CDC5L: variants seen among roughly 807,000 people sequenced by gnomAD.
CDC5L encodes the protein cell division cycle 5-like protein.
CDC5L carries 18 observed loss-of-function variants against 104.1 expected under a neutral mutation model. The ratio of observed to expected loss-of-function variants is 0.17; its 90% CI spans 0.12 to 0.26. CDC5L has a LOEUF of 0.26. Ranked by LOEUF, CDC5L falls within the 10% of genes least tolerant of loss-of-function variation. CDC5L has a pLI of 1.00. For synonymous variants in CDC5L, 331 were observed against 322.7 expected (o/e 1.03, Z -0.28); for missense variants, 673 against 956.9 (o/e 0.70, Z 3.91).
chr6:44,398,114 A>G (rs4143678), intron 5 of CDC5L, among the ~76,000 whole-genome samples: 110,535 of 152,086 alleles, frequency 0.73, 42,228 homozygotes, highest in Non-Finnish European at 0.87. Context: ...CTGAGGATGC[A>G]TGTTGGCAGA....
At chr6:44,408,217 T>A (rs1228071473) in intron 7 of CDC5L, among the ~76,000 whole-genome samples, 1 of 152,138 alleles carries the variant, frequency 6.6e-6, no homozygotes, top group Non-Finnish European at 1.5e-5. Context: ...CAATTCATTT[T>A]TCTGGAATAT....
At chr6:44,427,956 T>A (rs1792501763) in intron 13 of CDC5L, among the ~76,000 whole-genome samples, 1 of 152,138 alleles carries the variant, frequency 6.6e-6, no homozygotes, top group Non-Finnish European at 1.5e-5. Context: ...TAATTCTAAG[T>A]ATTGGTTTGT....
At chr6:44,410,178 CCTGTCTTA>C (rs1465410999) in intron 8 of CDC5L, among the ~76,000 whole-genome samples, 1 of 152,150 alleles carries the variant, frequency 6.6e-6, no homozygotes, top group African/African-American at 2.4e-5. Context: ...ACTTATTTCT[CCTGTCTTA>C]CTGAAATTTT....
intron 14 of CDC5L, 79 bp from the exon 15 acceptor site, chr6:44,445,576 G>A (rs139026236): frequency 4.1e-5 from 38 of 932,308 alleles, no homozygotes; most frequent in East Asian, 5.1e-5. Context: ...ATACATGAAC[G>A]CATGGTACCT....
chr6:44,395,728 G>A (rs1481326482), intron 4 of CDC5L, among the ~76,000 whole-genome samples: 1 of 152,206 alleles, frequency 6.6e-6, no homozygotes, highest in African/African-American at 2.4e-5. Flanking sequence ...GGGAAGAGCA[G>A]TGATCTTGGA....
intron 8 of CDC5L, among the ~76,000 whole-genome samples, chr6:44,409,713 T>C (rs1021673283): frequency 1.3e-5 from 2 of 152,224 alleles, no homozygotes; most frequent in African/African-American, 4.8e-5. Flanking sequence ...AAGAAATCTT[T>C]CTTAGAACTT....
intron 14 of CDC5L, among the ~76,000 whole-genome samples, chr6:44,430,972 C>G (rs1242059704): frequency 1.3e-5 from 2 of 152,118 alleles, no homozygotes; most frequent in African/African-American, 4.8e-5. Flanking sequence ...AGAAAATCGT[C>G]TTGGTTTCCT....
At chr6:44,406,699 G>C (rs978458411) in intron 7 of CDC5L, among the ~76,000 whole-genome samples, 8 of 152,184 alleles carry the variant, frequency 5.3e-5, no homozygotes, top group African/African-American at 1.9e-4. Context: ...CTGAGGTCAG[G>C]AGTTCAAGAC....
At chr6:44,416,936 A>T (rs1047649450) in intron 8 of CDC5L, among the ~76,000 whole-genome samples, 3 of 152,216 alleles carry the variant, frequency 2.0e-5, no homozygotes, top group African/African-American at 7.2e-5. Context: ...AAGGACACAC[A>T]CAGGGCCTTT....
rs1196114484 is a variant in CDC5L, at chr6:44,448,538, T to C, written c.*1827T>C. 1 of 152,174 alleles carries C rather than the reference T, an allele frequency of 6.6e-6. No homozygotes were observed. Among genetic ancestry groups the C allele is most frequent in the Non-Finnish European group, 1.5e-5 (1 of 68,032 alleles). The allele number at this position is 152,174 out of a possible 1,614,324, so 9.4% of individuals were successfully genotyped here. A position where few individuals can be genotyped will look rare whatever the true frequency, so the allele number is the denominator to read the frequency against. On this transcript the variant is annotated 3_prime_UTR_variant, in exon 16 of 16. Coordinates refer to ENST00000371477, the MANE Select transcript of CDC5L (RefSeq NM_001253.4). The stretch of plus-strand genomic sequence containing the variant: ...AGTCCAGGTAATAGTAGTGGAGATA[T>C]GTGGAGAGACATGATAGGTATATAC...
intron 14 of CDC5L, among the ~76,000 whole-genome samples, chr6:44,441,362 A>C (rs1289995561): frequency 6.6e-6 from 1 of 152,208 alleles, no homozygotes; most frequent in African/African-American, 2.4e-5. Flanking sequence ...TTTTATGTGT[A>C]TACCATATTT....
chr6:44,396,516 G>C (rs1790875370), intron 5 of CDC5L, 76 bp downstream of exon 5: 4 of 862,520 alleles, frequency 4.6e-6, no homozygotes, highest in Non-Finnish European at 7.2e-6. Flanking sequence ...TCTGTGACCA[G>C]ATATGTGGTT....
At chr6:44,401,342 C>A (rs1467273868) in intron 5 of CDC5L, among the ~76,000 whole-genome samples, 4 of 152,118 alleles carry the variant, frequency 2.6e-5, no homozygotes, top group Non-Finnish European at 5.9e-5. Context: ...GCCCTCATCT[C>A]ATAAGCCAGG....
intron 15 of CDC5L, among the ~76,000 whole-genome samples, chr6:44,446,103 A>G (rs1793441616): frequency 6.6e-6 from 1 of 152,208 alleles, no homozygotes. Context: ...TCCAATATGT[A>G]GATACACTGT....
At chr6:44,422,392 G>A (rs552601426) in intron 9 of CDC5L, among the ~76,000 whole-genome samples, 3 of 152,258 alleles carry the variant, frequency 2.0e-5, no homozygotes, top group African/African-American at 7.2e-5. Flanking sequence ...AATGTTTAGT[G>A]GACGTAGTTT....
chr6:44,445,566 A>G, intron 14 of CDC5L, 89 bp from the exon 15 acceptor site: 6 of 823,770 alleles, frequency 7.3e-6, no homozygotes, highest in South Asian at 3.5e-5. Flanking sequence ...TTTGAGACAC[A>G]TACATGAACG....
intron 2 of CDC5L, among the ~76,000 whole-genome samples, chr6:44,390,680 C>T (rs1454324623): frequency 1.3e-5 from 2 of 152,096 alleles, no homozygotes; most frequent in Admixed American, 6.6e-5. Context: ...CTTTGTGAAG[C>T]ATACAAAGTC....
Position 44,448,266 on chromosome 6 carries a change from G to A in CDC5L, c.*1555G>A, listed in dbSNP as rs1253604554. Reference sequence around the variant, plus strand: ...CTAGAGTGTCAAGAATGGCATTTCTGTATATAAGACCTCGTTGTATAGAGC... The same window carrying A: ...CTAGAGTGTCAAGAATGGCATTTCTATATATAAGACCTCGTTGTATAGAGC... On this transcript the variant is annotated 3_prime_UTR_variant, in exon 16 of 16. Coordinates refer to ENST00000371477, the MANE Select transcript of CDC5L (RefSeq NM_001253.4). 2.6e-5 allele frequency: 4 copies of A among 152,192 alleles called. 1 individual carries two copies. Among genetic ancestry groups the A allele is most frequent in the Non-Finnish European group, 5.9e-5 (4 of 68,034 alleles). The allele number at this position is 152,192 out of a possible 1,614,324, so 9.4% of individuals were successfully genotyped here.
At chr6:44,424,708 T>C in intron 11 of CDC5L, 125 bp downstream of exon 11, 2 of 767,888 alleles carry the variant, frequency 2.6e-6, no homozygotes, top group South Asian at 3.6e-5. Context: ...AAAAAACTTC[T>C]AAAGTAAATA....
Sources: gnomAD v4.1 joint callset for allele counts (sites outside exome capture counted in the v4.1 genomes callset) on GRCh38, gnomAD v4.1.1 for gene constraint, MANE v1.5 for transcripts, NCBI Gene and HGNC (gene_info 2026-07-23, HGNC 2026-07-21) for gene names.